NAPB: variants seen among roughly 807,000 people sequenced by gnomAD.
NAPB encodes the protein beta-soluble NSF attachment protein.
A neutral mutation model predicts 44.7 loss-of-function variants in NAPB; 26 were observed. That is an observed-to-expected ratio of 0.58 (90% confidence interval 0.43 to 0.81). The LOEUF (loss-of-function observed/expected upper bound fraction) is 0.81. Ranked by LOEUF, NAPB falls within the 30% of genes least tolerant of loss-of-function variation. The pLI, the probability that NAPB is intolerant of heterozygous loss-of-function variation, is 0.00. For missense variants in NAPB, 315 were observed against 356.4 expected (o/e 0.88, Z 0.94); for synonymous variants, 120 against 116.8 (o/e 1.03, Z -0.18).
At chr20:23,414,556 C>T (rs1350454295) in intron 1 of NAPB, among the ~76,000 whole-genome samples, 1 of 152,140 alleles carries the variant, frequency 6.6e-6, no homozygotes, top group Non-Finnish European at 1.5e-5. Flanking sequence ...CTGGAATTGA[C>T]AGACAAGTCC....
Position 23,381,193 on chromosome 20 carries a change from A to G in NAPB, c.666+20T>C. The G allele has an allele frequency of 1.3e-6, 2 of 1,535,894 alleles. No individual in the cohort carries two copies. The highest frequency in any genetic ancestry group is 1.8e-6 in the Non-Finnish European group (2 of 1,109,136). ...TTCTTATGGGTGAAATCAGTCAATCAATGCTGAAGAACTCCTTACCTTGGC... is the reference window on the plus strand; with the variant it reads ...TTCTTATGGGTGAAATCAGTCAATCGATGCTGAAGAACTCCTTACCTTGGC... On this transcript the variant is annotated intron_variant, in intron 8 of 10. Coordinates refer to ENST00000377026, the MANE Select transcript of NAPB (RefSeq NM_022080.3).
At chr20:23,401,402 C>T (rs1290157264) in intron 2 of NAPB, among the ~76,000 whole-genome samples, 1 of 152,118 alleles carries the variant, frequency 6.6e-6, no homozygotes, top group African/African-American at 2.4e-5. Context: ...CAACCTCAGA[C>T]ATAAATGGAA....
chr20:23,406,812 T>C (rs990957196), intron 1 of NAPB, among the ~76,000 whole-genome samples: 4 of 152,254 alleles, frequency 2.6e-5, no homozygotes, highest in Non-Finnish European at 4.4e-5. Context: ...ATCATTCTTA[T>C]TAAAGGTTTC....
At chr20:23,417,766 C>A (rs1037922306) in intron 1 of NAPB, among the ~76,000 whole-genome samples, 6 of 151,968 alleles carry the variant, frequency 3.9e-5, no homozygotes, top group African/African-American at 1.4e-4. Context: ...TGGTTTCCTG[C>A]AATGTTTGCA....
intron 1 of NAPB, among the ~76,000 whole-genome samples, chr20:23,416,028 G>C (rs1190181175): frequency 6.6e-6 from 1 of 152,130 alleles, no homozygotes; most frequent in Non-Finnish European, 1.5e-5. Flanking sequence ...ACTTGGTATA[G>C]CTTTGCTCTT....
intron 2 of NAPB, among the ~76,000 whole-genome samples, chr20:23,401,576 T>C (rs187637685): frequency 7.0e-4 from 106 of 152,292 alleles, no homozygotes; most frequent in Non-Finnish European, 1.3e-3. Flanking sequence ...CATCACCAGA[T>C]ACAATAAGTA....
At chr20:23,402,478 G>A (rs1230190245) in intron 2 of NAPB, among the ~76,000 whole-genome samples, 1 of 152,108 alleles carries the variant, frequency 6.6e-6, no homozygotes, top group Non-Finnish European at 1.5e-5. Flanking sequence ...AGTCTATTGA[G>A]GTTAATGTAA....
In NAPB at chr20:23,395,203, A is replaced by C. The variant is rs1238255155; in HGVS notation, c.296-18T>G. 6 of 1,613,804 alleles carry C rather than the reference A, an allele frequency of 3.7e-6. No homozygotes were observed. Among genetic ancestry groups the C allele is most frequent in the Non-Finnish European group, 5.1e-6 (6 of 1,179,876 alleles). ...GATAGCCTCTGAAGCGTAGGCATTTAAGAAAAACAATGAAAAATCCATTCA... is the reference window on the plus strand; with the variant it reads ...GATAGCCTCTGAAGCGTAGGCATTTCAGAAAAACAATGAAAAATCCATTCA... On this transcript the variant is annotated intron_variant, in intron 3 of 10. Coordinates refer to ENST00000377026, the MANE Select transcript of NAPB (RefSeq NM_022080.3).
At chr20:23,406,157 TG>T (rs1173535909) in intron 1 of NAPB, among the ~76,000 whole-genome samples, 1 of 152,174 alleles carries the variant, frequency 6.6e-6, no homozygotes, top group African/African-American at 2.4e-5. Flanking sequence ...GCTGGTGCCT[TG>T]ATCTCAGACT....
intron 7 of NAPB, among the ~76,000 whole-genome samples, chr20:23,382,070 G>A (rs571686002): frequency 3.5e-4 from 53 of 152,316 alleles, no homozygotes; most frequent in Admixed American, 3.2e-3. Flanking sequence ...AAGCAGGAAA[G>A]AGGTTCCCCT....
chr20:23,381,940 A>G lies in NAPB; in HGVS notation c.562-623T>C, dbSNP rs188352253. ...CTTGAAAGACTGTAAGAAGCACCCC[A>G]ATACCTCTGCTTAGGAGCTTCAGAG... On this transcript the variant is annotated intron_variant, in intron 7 of 10. Coordinates refer to ENST00000377026, the MANE Select transcript of NAPB (RefSeq NM_022080.3). 2.7e-3 allele frequency among the ~76,000 whole-genome samples: 409 copies of G among 152,310 alleles called. 3 individuals carry two copies. Among genetic ancestry groups the G allele is most frequent in the South Asian group, 4.8e-3 (23 of 4,828 alleles).
intron 1 of NAPB, among the ~76,000 whole-genome samples, chr20:23,405,360 AG>A (rs1401905794): frequency 2.6e-5 from 4 of 152,152 alleles, no homozygotes; most frequent in African/African-American, 9.7e-5. Flanking sequence ...AGAGAGATAA[AG>A]AAAGAGAGAA....
chr20:23,381,934 C>T (rs569549155), intron 7 of NAPB, among the ~76,000 whole-genome samples: 182 of 152,154 alleles, frequency 1.2e-3, no homozygotes, highest in Non-Finnish European at 1.7e-3. Context: ...CTGTAAGAAG[C>T]ACCCCAATAC....
intron 7 of NAPB, among the ~76,000 whole-genome samples, chr20:23,382,344 G>T (rs376077796): frequency 1.7e-3 from 259 of 152,138 alleles, no homozygotes; most frequent in Admixed American, 4.4e-3. Context: ...AAAAGAGAAC[G>T]TTTAAACAAG....
At chr20:23,419,576 A>G (rs1465876506) in intron 1 of NAPB, among the ~76,000 whole-genome samples, 1 of 152,240 alleles carries the variant, frequency 6.6e-6, no homozygotes, top group Non-Finnish European at 1.5e-5. Flanking sequence ...TAACATTAAA[A>G]TAACCTCCTG....
intron 5 of NAPB, among the ~76,000 whole-genome samples, chr20:23,394,111 T>G (rs1984175403): frequency 6.6e-6 from 1 of 151,990 alleles, no homozygotes; most frequent in South Asian, 2.1e-4. Context: ...TTCCTCTTAG[T>G]GAAAGGGGTC....
intron 4 of NAPB, 61 bp downstream of exon 4, chr20:23,395,074 AAGAT>A: frequency 1.2e-6 from 2 of 1,612,518 alleles, no homozygotes; most frequent in Non-Finnish European, 1.7e-6. Context: ...ATAAAAAAGA[AAGAT>A]AGAACTCTAA....
chr20:23,382,092 CT>C (rs1418055070), intron 7 of NAPB, among the ~76,000 whole-genome samples: 4 of 152,306 alleles, frequency 2.6e-5, no homozygotes, highest in Non-Finnish European at 5.9e-5. Context: ...CTTTCTCCAG[CT>C]GGTGTGCTGT....
At chr20:23,389,020 C>T (rs892687330) in intron 7 of NAPB, among the ~76,000 whole-genome samples, 1 of 151,718 alleles carries the variant, frequency 6.6e-6, no homozygotes, top group African/African-American at 2.4e-5. Context: ...GGATTAATAT[C>T]CAGAATATAT....
Sources: gnomAD v4.1 joint callset for allele counts (sites outside exome capture counted in the v4.1 genomes callset) on GRCh38, gnomAD v4.1.1 for gene constraint, MANE v1.5 for transcripts, NCBI Gene and HGNC (gene_info 2026-07-23, HGNC 2026-07-21) for gene names.